Variants in NSRP1 observed in about 807,000 individuals in gnomAD.
NSRP1 encodes the protein coiled-coil domain containing 55.
A neutral mutation model predicts 54.7 loss-of-function variants in NSRP1; 24 were observed. That is an observed-to-expected ratio of 0.44 (90% CI 0.32 to 0.62). The LOEUF is 0.62. NSRP1 is among the 20% of genes least tolerant of loss of function. NSRP1 has a pLI of 0.06. For synonymous variants in NSRP1, 210 were observed against 213.8 expected, an observed-to-expected ratio of 0.98 and a Z score of 0.15; for missense variants, 596 against 651.2, an observed-to-expected ratio of 0.92 and a Z score of 0.92.
intron 5 of NSRP1, 61 bp from the exon 6 acceptor site, chr17:30,180,847 T>A: frequency 9.3e-7 from 1 of 1,069,814 alleles, no homozygotes; most frequent in Non-Finnish European, 1.4e-6. Flanking sequence ...TGTATGTCTG[T>A]AAAATGAAAC....
At chr17:30,141,697 T>C (rs2071806686) in intron 2 of NSRP1, among the ~76,000 whole-genome samples, 1 of 152,218 alleles carries the variant, frequency 6.6e-6, no homozygotes. Context: ...TGACAATTTT[T>C]AAAACTTTAA....
intron 6 of NSRP1, among the ~76,000 whole-genome samples, chr17:30,181,691 A>G (rs540743508): frequency 6.7e-6 from 1 of 149,808 alleles, no homozygotes; most frequent in Non-Finnish European, 1.5e-5. Context: ...GCTTACTGCA[A>G]CCTCTGCCTC....
chr17:30,136,696 T>C (rs982178777), intron 2 of NSRP1, among the ~76,000 whole-genome samples: 3 of 152,208 alleles, frequency 2.0e-5, no homozygotes, highest in Admixed American at 6.5e-5. Flanking sequence ...TAAGATGTCA[T>C]TATTCTCATT....
At chr17:30,150,840 A>G (rs2071902291) in intron 2 of NSRP1, among the ~76,000 whole-genome samples, 1 of 151,590 alleles carries the variant, frequency 6.6e-6, no homozygotes, top group Non-Finnish European at 1.5e-5. Context: ...GGTGCCCGCC[A>G]CCATGCCCGG....
At chr17:30,138,593 G>A (rs972025379) in intron 2 of NSRP1, among the ~76,000 whole-genome samples, 1 of 151,368 alleles carries the variant, frequency 6.6e-6, no homozygotes, top group African/African-American at 2.4e-5. Context: ...AGTACAGGCA[G>A]TTTTTTTTTC....
chr17:30,135,598 G>A (rs867000424), intron 2 of NSRP1, among the ~76,000 whole-genome samples: 4 of 149,074 alleles, frequency 2.7e-5, no homozygotes, highest in East Asian at 2.0e-4. Flanking sequence ...CTCAGCCTCC[G>A]GAGTAGCTGG....
chr17:30,132,677 CCATT>C (rs1162194316), intron 2 of NSRP1, among the ~76,000 whole-genome samples: 1 of 152,226 alleles, frequency 6.6e-6, no homozygotes, highest in Non-Finnish European at 1.5e-5. Context: ...TCTTCAGACT[CCATT>C]TGTAATTCTA....
intron 2 of NSRP1, among the ~76,000 whole-genome samples, chr17:30,166,172 T>C (rs1293697417): frequency 6.6e-6 from 1 of 152,172 alleles, no homozygotes; most frequent in Non-Finnish European, 1.5e-5. Flanking sequence ...GAAATTAACA[T>C]ACCTAGAATA....
chr17:30,123,121 A>ACAC (rs1391739430), intron 2 of NSRP1, among the ~76,000 whole-genome samples: 1 of 138,114 alleles, frequency 7.2e-6, no homozygotes, highest in African/African-American at 3.5e-5. Flanking sequence ...ATTTTTTGAG[A>ACAC]CAGAGTCTCG....
At chr17:30,118,749 CTTTTTTTT>C (rs570877718) in intron 2 of NSRP1, among the ~76,000 whole-genome samples, 99 of 138,624 alleles carry the variant, frequency 7.1e-4, no homozygotes, top group Middle Eastern at 3.6e-3. Context: ...TTTCTTTTCT[CTTTTTTTT>C]TTTTTTTTTG....
In NSRP1 at chr17:30,178,148, G is replaced by GA. The variant is rs1905189081; in HGVS notation, c.257dup (p.Glu87GlyfsTer4). On this transcript the variant is annotated frameshift_variant, in exon 4 of 7. Transcript: ENST00000247026. LOFTEE classifies it high-confidence loss of function. ...ATGACAGTATTTATGATGAAATGCAGAAAAAAAAGGAGGAAAATAATCCCA... is the reference window on the plus strand; with the variant it reads ...ATGACAGTATTTATGATGAAATGCAGAAAAAAAAAGGAGGAAAATAATCCCA... 25 of 1,602,520 alleles carry GA rather than the reference G, an allele frequency of 1.6e-5. No individual in the cohort carries two copies. Among genetic ancestry groups the GA allele is most frequent in the Admixed American group, 5.2e-5 (3 of 57,886 alleles).
At chr17:30,147,795 C>A (rs2143002942) in intron 2 of NSRP1, among the ~76,000 whole-genome samples, 1 of 150,680 alleles carries the variant, frequency 6.6e-6, no homozygotes, top group East Asian at 2.0e-4. Flanking sequence ...AGGAACTCTT[C>A]TATTCATCAC....
intron 2 of NSRP1, among the ~76,000 whole-genome samples, chr17:30,153,254 C>T (rs2143004453): frequency 6.6e-6 from 1 of 152,090 alleles, no homozygotes; most frequent in South Asian, 2.1e-4. Context: ...TATTTAGGCT[C>T]TTTTTGTAGA....
rs145848284 is a variant in NSRP1 at position 30,175,012 on chromosome 17, A to G, written c.171+2414A>G. 1.7e-3 allele frequency among the ~76,000 whole-genome samples: 264 copies of G among 152,362 alleles called. 2 individuals carry two copies. Among genetic ancestry groups the G allele is most frequent in the African/African-American group, 6.0e-3 (251 of 41,596 alleles). On this transcript the variant is annotated intron_variant, in intron 3 of 6. Transcript: ENST00000247026. ...AATACCAAGGTTTGGCGAGCCTTAT[A>G]CAATGAGCTAATATGATACTATATA...
chr17:30,174,179 A>G (rs773725785), intron 3 of NSRP1, among the ~76,000 whole-genome samples: 1 of 152,170 alleles, frequency 6.6e-6, no homozygotes, highest in African/African-American at 2.4e-5. Context: ...CACTTAAAGC[A>G]TGAATCCCAA....
chr17:30,131,390 A>G (rs1182174650), intron 2 of NSRP1, among the ~76,000 whole-genome samples: 1 of 152,218 alleles, frequency 6.6e-6, no homozygotes, highest in Non-Finnish European at 1.5e-5. Context: ...AAAGATACAC[A>G]GGTATACCTC....
intron 6 of NSRP1, among the ~76,000 whole-genome samples, chr17:30,184,159 G>C (rs1905419015): frequency 1.3e-5 from 2 of 152,182 alleles, no homozygotes; most frequent in Non-Finnish European, 2.9e-5. Flanking sequence ...CCGAGATTGT[G>C]CCACTGCACT....
intron 4 of NSRP1, among the ~76,000 whole-genome samples, chr17:30,178,469 T>C (rs1905198184): frequency 6.6e-6 from 1 of 152,200 alleles, no homozygotes; most frequent in South Asian, 2.1e-4. Flanking sequence ...AATTCTAATG[T>C]ACCAAATTTG....
chr17:30,164,975 C>T (rs992285570), intron 2 of NSRP1, among the ~76,000 whole-genome samples: 3 of 151,952 alleles, frequency 2.0e-5, no homozygotes, highest in African/African-American at 7.3e-5. Context: ...AGCTGTTTTT[C>T]CCTAGATAAC....
Sources: allele counts gnomAD v4.1 joint callset (sites outside exome capture counted in the v4.1 genomes callset), GRCh38; gene constraint gnomAD v4.1.1; transcripts MANE v1.5; gene names NCBI Gene and HGNC (gene_info 2026-07-23, HGNC 2026-07-21).